Variants in CARMIL1 observed in about 807,000 individuals in gnomAD.
CARMIL1 encodes the protein F-actin-uncapping protein LRRC16A.
Under a neutral mutation model 177.1 loss-of-function variants are expected in CARMIL1, and 90 were observed. The ratio of observed to expected loss-of-function variants is 0.51; its 90% CI spans 0.43 to 0.61. The LOEUF (loss-of-function observed/expected upper bound fraction) is 0.61. Ranked by LOEUF, CARMIL1 falls within the 20% of genes least tolerant of loss-of-function variation. The probability of loss-of-function intolerance (pLI) is 0.00; values close to 1 mark genes in which losing one functional copy is unlikely to be tolerated. For missense variants in CARMIL1, 1,380 were observed against 1,667.0 expected (o/e 0.83, Z 3.00); for synonymous variants, 577 against 606.2 (o/e 0.95, Z 0.71).
chr6:25,606,603 A>G (rs145539488), intron 35 of CARMIL1, among the ~76,000 whole-genome samples: 67 of 152,282 alleles, frequency 4.4e-4, no homozygotes, highest in African/African-American at 1.6e-3. Context: ...GCTTTCTAAT[A>G]TCTGTCTCCA....
intron 26 of CARMIL1, among the ~76,000 whole-genome samples, chr6:25,541,345 A>C (rs952044700): frequency 2.0e-5 from 3 of 152,170 alleles, no homozygotes; most frequent in Non-Finnish European, 2.9e-5. Flanking sequence ...ACCTTGTTCT[A>C]TTTGGTACAA....
chr6:25,505,577 T>C (rs992901422), intron 17 of CARMIL1, among the ~76,000 whole-genome samples: 1 of 152,138 alleles, frequency 6.6e-6, no homozygotes, highest in Non-Finnish European at 1.5e-5. Flanking sequence ...CTCAGCCTCC[T>C]GAGTAGCTGG....
At chr6:25,356,293 A>T (rs1246435419) in intron 2 of CARMIL1, among the ~76,000 whole-genome samples, 1 of 151,920 alleles carries the variant, frequency 6.6e-6, no homozygotes, top group African/African-American at 2.4e-5. Context: ...TCCTGACCTC[A>T]TGATCCACCC....
chr6:25,521,730 A>C (rs1203733921), intron 23 of CARMIL1, among the ~76,000 whole-genome samples: 2 of 149,670 alleles, frequency 1.3e-5, no homozygotes, highest in Non-Finnish European at 3.0e-5. Context: ...GATCCATGCC[A>C]CTGCACTCCA....
chr6:25,434,141 A>G (rs73393826), intron 4 of CARMIL1, among the ~76,000 whole-genome samples: 4,038 of 152,230 alleles, frequency 0.027, 140 homozygotes, highest in African/African-American at 0.079. Flanking sequence ...GGCTCAAGCA[A>G]TCGTCCTGCC....
chr6:25,582,350 T>C (rs980850266), intron 31 of CARMIL1, among the ~76,000 whole-genome samples: 3 of 152,188 alleles, frequency 2.0e-5, no homozygotes, highest in Non-Finnish European at 4.4e-5. Context: ...TCCTTTCAGT[T>C]TTCCTGCCAG....
chr6:25,457,038 A>G (rs1582017471), intron 8 of CARMIL1, among the ~76,000 whole-genome samples: 2 of 148,184 alleles, frequency 1.3e-5, no homozygotes, highest in Non-Finnish European at 3.0e-5. Flanking sequence ...CTGTTTGGAG[A>G]GTGGAATCAG....
chr6:25,510,663 G>C, intron 19 of CARMIL1, 45 bp from the exon 20 acceptor site: 2 of 1,504,954 alleles, frequency 1.3e-6, no homozygotes, highest in East Asian at 2.5e-5. Flanking sequence ...CCTCCTGAAA[G>C]CTTTTGATTT....
chr6:25,336,296 T>TACAAGCA (rs1786223334), intron 2 of CARMIL1, among the ~76,000 whole-genome samples: 2 of 152,156 alleles, frequency 1.3e-5, no homozygotes, highest in African/African-American at 4.8e-5. Context: ...TGTTGCACCA[T>TACAAGCA]CCTATGACCA....
intron 2 of CARMIL1, among the ~76,000 whole-genome samples, chr6:25,316,423 CTT>C (rs36000746): frequency 5.3e-4 from 74 of 140,352 alleles, no homozygotes; most frequent in Non-Finnish European, 6.1e-4. Context: ...TTCCAGAGGG[CTT>C]TTTTTTTTTT....
chr6:25,392,428 A>G (rs1792956571), intron 2 of CARMIL1, among the ~76,000 whole-genome samples: 1 of 152,230 alleles, frequency 6.6e-6, no homozygotes, highest in African/African-American at 2.4e-5. Flanking sequence ...GAAAACATTT[A>G]TTCCCTCTGA....
intron 3 of CARMIL1, among the ~76,000 whole-genome samples, chr6:25,422,700 G>A (rs1364493811): frequency 6.6e-6 from 1 of 152,116 alleles, no homozygotes; most frequent in Admixed American, 6.5e-5. Context: ...ATTACAGAAG[G>A]AAATTTTATG....
intron 2 of CARMIL1, among the ~76,000 whole-genome samples, chr6:25,305,360 T>G (rs555328005): frequency 1.3e-5 from 2 of 152,366 alleles, no homozygotes; most frequent in South Asian, 4.1e-4. Context: ...GGCATGGCTA[T>G]TTCAGTTAAT....
At position 25,502,273 on chromosome 6, in the gene CARMIL1, A is replaced by C. The variant is rs184087889; in HGVS notation, c.1395+2038A>C. ...ACAAACAAAAAAAAAACAAAAAAAA[A>C]ACACCAGGCTGGGCGCGGTCAATGC... On this transcript the variant is annotated intron_variant, in intron 17 of 36. Transcript: ENST00000329474. Among the ~76,000 whole-genome samples, 1,223 of 151,840 alleles carry C rather than the reference A, an allele frequency of 8.1e-3. 58 individuals are homozygous for C. The highest frequency in any genetic ancestry group is 0.071 in the Admixed American group (1,090 of 15,248).
At chr6:25,615,807 C>T (rs994505113) in intron 36 of CARMIL1, among the ~76,000 whole-genome samples, 1 of 152,146 alleles carries the variant, frequency 6.6e-6, no homozygotes, top group Non-Finnish European at 1.5e-5. Context: ...GTGTTTTTCT[C>T]CTGGAAAATA....
chr6:25,444,567 C>A (rs1432795362), intron 5 of CARMIL1, among the ~76,000 whole-genome samples: 1 of 152,100 alleles, frequency 6.6e-6, no homozygotes, highest in Non-Finnish European at 1.5e-5. Context: ...TGTTCCCTGC[C>A]CTGTGTCCAA....
chr6:25,542,406 A>C (rs1809006349), intron 26 of CARMIL1, among the ~76,000 whole-genome samples: 1 of 152,222 alleles, frequency 6.6e-6, no homozygotes, highest in Non-Finnish European at 1.5e-5. Flanking sequence ...CATTTCCTAC[A>C]TTCTTTTGAC....
At chr6:25,396,954 G>A (rs7341240) in intron 2 of CARMIL1, among the ~76,000 whole-genome samples, 63,552 of 151,608 alleles carry the variant, frequency 0.42, 13,527 homozygotes, top group Middle Eastern at 0.57. Flanking sequence ...AACACATGGG[G>A]CCATTTATTT....
intron 10 of CARMIL1, 22 bp from the exon 11 acceptor site, chr6:25,472,405 T>G: frequency 1.3e-6 from 2 of 1,488,008 alleles, no homozygotes; most frequent in Non-Finnish European, 1.8e-6. Context: ...TTATTTAATC[T>G]TATTGTTTTG....
Sources: allele counts gnomAD v4.1 joint callset (sites outside exome capture counted in the v4.1 genomes callset), GRCh38; gene constraint gnomAD v4.1.1; transcripts MANE v1.5; gene names NCBI Gene and HGNC (gene_info 2026-07-23, HGNC 2026-07-21).